The following STX18 variants were observed in gnomAD, a reference collection of about 807,000 sequenced individuals.
The protein encoded by STX18 is syntaxin 18, also known as syntaxin-18.
STX18 carries 40 observed loss-of-function variants against 50.1 expected under a neutral mutation model. That is an observed-to-expected ratio of 0.80 (90% CI 0.62 to 1.04). The LOEUF (loss-of-function observed/expected upper bound fraction) is 1.04. Among genes scored for constraint, STX18 ranks in the 50% least tolerant of loss-of-function variants. The probability of loss-of-function intolerance (pLI) is 0.00; values close to 1 mark genes in which losing one functional copy is unlikely to be tolerated. For missense variants in STX18, 410 were observed against 415.8 expected (o/e 0.99, Z 0.12); for synonymous variants, 158 against 151.8 (o/e 1.04, Z -0.30).
chr4:4,532,578 T>A (rs965693878), intron 1 of STX18, among the ~76,000 whole-genome samples: 2 of 152,186 alleles, frequency 1.3e-5, no homozygotes, highest in African/African-American at 2.4e-5. Context: ...GACTTTCAGA[T>A]AAAGAGTACT....
chr4:4,442,860 C>A (rs1726197076), intron 5 of STX18, among the ~76,000 whole-genome samples: 1 of 141,228 alleles, frequency 7.1e-6, no homozygotes, highest in Non-Finnish European at 1.5e-5. Context: ...AAAAGACCAA[C>A]AGCCCTACAG....
intron 1 of STX18, among the ~76,000 whole-genome samples, chr4:4,537,161 G>C (rs370418127): frequency 2.0e-5 from 3 of 152,146 alleles, no homozygotes; most frequent in African/African-American, 7.2e-5. Context: ...TAAGAGAATA[G>C]AAGAGCTGCC....
At chr4:4,533,332 T>C (rs1052289371) in intron 1 of STX18, among the ~76,000 whole-genome samples, 2 of 152,240 alleles carry the variant, frequency 1.3e-5, no homozygotes, top group African/African-American at 4.8e-5. Flanking sequence ...GGAGTCCATG[T>C]GGATTTCCAT....
chr4:4,522,962 G>A (rs566195993), intron 1 of STX18, among the ~76,000 whole-genome samples: 3 of 152,338 alleles, frequency 2.0e-5, no homozygotes, highest in African/African-American at 4.8e-5. Context: ...GTTTACTGGC[G>A]TATGTGTTTA....
At chr4:4,517,104 C>T (rs188276412) in intron 1 of STX18, among the ~76,000 whole-genome samples, 3 of 152,260 alleles carry the variant, frequency 2.0e-5, no homozygotes, top group Non-Finnish European at 2.9e-5. Context: ...CGGGAGCTCC[C>T]GACTGTATCA....
At chr4:4,518,277 G>A (rs1355357300) in intron 1 of STX18, among the ~76,000 whole-genome samples, 2 of 152,186 alleles carry the variant, frequency 1.3e-5, no homozygotes, top group Non-Finnish European at 2.9e-5. Flanking sequence ...TAAAAGCACA[G>A]AGAACCATGT....
At position 4,419,117 on chromosome 4, in the gene STX18, CTG is replaced by C. The variant is rs1349939498; in HGVS notation, c.*915_*916del. The C allele has an allele frequency of 6.6e-6, 1 of 152,304 alleles. No homozygotes were observed. Among genetic ancestry groups the C allele is most frequent in the East Asian group, 1.9e-4 (1 of 5,198 alleles). 9.4% of individuals were successfully genotyped at this position (152,304 alleles called of 1,614,324 possible). The stretch of plus-strand genomic sequence containing the variant: ...CGCATTTCACCAGGCGCAGTGCAGA[CTG>C]TCTCATGCCCATGTGGGCGCTGGGA... On this transcript the variant is annotated 3_prime_UTR_variant, in exon 11 of 11. Coordinates refer to ENST00000306200, the MANE Select transcript of STX18 (RefSeq NM_016930.4).
chr4:4,424,179 C>G (rs1026282267), intron 8 of STX18, among the ~76,000 whole-genome samples: 3 of 152,118 alleles, frequency 2.0e-5, no homozygotes, highest in Non-Finnish European at 2.9e-5. Context: ...TAGCCATCTT[C>G]CTGGTGTCAG....
At chr4:4,439,228 TATACACACACACC>T (rs1725963733) in intron 5 of STX18, among the ~76,000 whole-genome samples, 1 of 100,390 alleles carries the variant, frequency 1.0e-5, no homozygotes, top group African/African-American at 7.4e-5. Flanking sequence ...ATCCCCCACA[TATACACACACACC>T]ACATACATAT....
intron 1 of STX18, among the ~76,000 whole-genome samples, chr4:4,522,394 G>A (rs180907014): frequency 4.6e-5 from 7 of 152,238 alleles, no homozygotes; most frequent in Admixed American, 2.6e-4. Context: ...TTTAAGCTTC[G>A]TGCCTGCTTA....
chr4:4,475,297 T>A (rs1728122492), intron 1 of STX18, among the ~76,000 whole-genome samples: 1 of 152,198 alleles, frequency 6.6e-6, no homozygotes, highest in African/African-American at 2.4e-5. Flanking sequence ...GAATTCTTGA[T>A]AAGAGGTGTG....
At chr4:4,470,376 A>T in intron 2 of STX18, among the ~76,000 whole-genome samples, 1 of 152,196 alleles carries the variant, frequency 6.6e-6, no homozygotes, top group Admixed American at 6.5e-5. Context: ...CAAAATCACC[A>T]CAGTTGAGTG....
chr4:4,499,356 A>C, intron 1 of STX18: 1 of 254,242 alleles, frequency 3.9e-6, no homozygotes, highest in Non-Finnish European at 6.2e-6. Flanking sequence ...GAAGTTATTA[A>C]TCTGAAATTA....
chr4:4,507,396 C>A, intron 1 of STX18: 1 of 756,816 alleles, frequency 1.3e-6, no homozygotes, highest in Non-Finnish European at 2.5e-6. Context: ...TCTTTGTTCC[C>A]GTTCCTCCAC....
intron 5 of STX18, among the ~76,000 whole-genome samples, chr4:4,451,290 A>G (rs896629069): frequency 6.6e-6 from 1 of 152,164 alleles, no homozygotes; most frequent in Non-Finnish European, 1.5e-5. Flanking sequence ...AGAGAGACAG[A>G]TTTTTTCAGT....
intron 9 of STX18, among the ~76,000 whole-genome samples, chr4:4,422,602 AAAG>A (rs1725028931): frequency 2.0e-5 from 3 of 151,948 alleles, no homozygotes; most frequent in Non-Finnish European, 2.9e-5. Flanking sequence ...AAAAAAAAGA[AAAG>A]AAAAAGAAAC....
At chr4:4,502,525 T>G (rs937261793) in intron 1 of STX18, among the ~76,000 whole-genome samples, 1 of 152,118 alleles carries the variant, frequency 6.6e-6, no homozygotes, top group Non-Finnish European at 1.5e-5. Context: ...GGTTCACAGG[T>G]TTGGAGTCAA....
At chr4:4,496,645 C>T (rs1428338443) in intron 1 of STX18, among the ~76,000 whole-genome samples, 8 of 152,310 alleles carry the variant, frequency 5.3e-5, no homozygotes, top group Non-Finnish European at 1.0e-4. Flanking sequence ...GGAGCTTCTG[C>T]ATGTCATTCT....
intron 1 of STX18, among the ~76,000 whole-genome samples, chr4:4,484,542 CA>C (rs1255564042): frequency 6.6e-6 from 1 of 152,162 alleles, no homozygotes; most frequent in Non-Finnish European, 1.5e-5. Flanking sequence ...GAAAAATCAT[CA>C]TTCAAAAAAT....
Sources: gnomAD v4.1 joint callset for allele counts (sites outside exome capture counted in the v4.1 genomes callset) on GRCh38, gnomAD v4.1.1 for gene constraint, MANE v1.5 for transcripts, NCBI Gene and HGNC (gene_info 2026-07-23, HGNC 2026-07-21) for gene names.